Variants in CCDC30 observed in about 807,000 individuals in gnomAD.
CCDC30 encodes coiled-coil domain-containing protein 30.
In CCDC30, 70 loss-of-function variants were observed where a neutral mutation model predicts 100.2. That is an observed-to-expected ratio of 0.70 (90% CI 0.58 to 0.85). The LOEUF is 0.85. CCDC30 is among the 40% of genes least tolerant of loss of function. The pLI is 0.00. For synonymous variants in CCDC30, 233 were observed against 269.5 expected (o/e 0.86, Z 1.33); for missense variants, 652 against 771.2 (o/e 0.85, Z 1.83).
At chr1:42,479,287 A>C (rs1026190437) in intron 1 of CCDC30, among the ~76,000 whole-genome samples, 6 of 152,080 alleles carry the variant, frequency 3.9e-5, no homozygotes, top group Non-Finnish European at 5.9e-5. Flanking sequence ...GAGTCAGGAG[A>C]ATCGCTTGAA....
intron 3 of CCDC30, among the ~76,000 whole-genome samples, chr1:42,484,990 A>C (rs1170433211): frequency 3.3e-5 from 5 of 152,156 alleles, no homozygotes; most frequent in African/African-American, 1.2e-4. Flanking sequence ...AACAATTTGA[A>C]ATTTGAACAC....
chr1:42,509,691 T>C (rs1044717484), intron 6 of CCDC30, among the ~76,000 whole-genome samples: 4 of 152,114 alleles, frequency 2.6e-5, no homozygotes, highest in Non-Finnish European at 5.9e-5. Context: ...TAACCTAAGG[T>C]ACCCTTTCTT....
chr1:42,610,093 TG>T (rs1646588022), intron 10 of CCDC30, among the ~76,000 whole-genome samples: 1 of 152,210 alleles, frequency 6.6e-6, no homozygotes, highest in African/African-American at 2.4e-5. Context: ...CTCAGTAACA[TG>T]ATCAGATGTG....
At chr1:42,593,497 AG>A (rs1331975511) in intron 10 of CCDC30, 5 of 152,188 alleles carry the variant, frequency 3.3e-5, no homozygotes, top group Non-Finnish European at 2.9e-5. Flanking sequence ...TTCATTATGT[AG>A]GCATGATTGG....
chr1:42,560,009 A>T (rs768417185), intron 6 of CCDC30, among the ~76,000 whole-genome samples: 2 of 152,226 alleles, frequency 1.3e-5, no homozygotes, highest in African/African-American at 4.8e-5. Context: ...ATGCAATTTC[A>T]TGGAAATTGA....
chr1:42,489,892 C>T (rs561531320), intron 3 of CCDC30: 13 of 205,128 alleles, frequency 6.3e-5, no homozygotes, highest in Admixed American at 2.4e-4. Flanking sequence ...GTTTAAATTC[C>T]TCTTCATCAT....
intron 11 of CCDC30, among the ~76,000 whole-genome samples, chr1:42,621,714 T>C (rs908324023): frequency 6.6e-6 from 1 of 152,072 alleles, no homozygotes; most frequent in African/African-American, 2.4e-5. Context: ...GGTTTCACTG[T>C]GTTAGCCAGG....
chr1:42,569,778 G>A lies in CCDC30; in HGVS notation c.636+3303G>A, dbSNP rs12034118. ...AAAGAAAATGTGGCACATATACACC[G>A]TGGAATAATATGCAGCCATAAAAAA... On this transcript the variant is annotated intron_variant, in intron 7 of 16. Coordinates refer to ENST00000668663, the Ensembl canonical transcript of CCDC30. Among the ~76,000 whole-genome samples the A allele has an allele frequency of 1.5e-3, 229 of 152,250 alleles. 1 individual carries two copies. The highest frequency in any genetic ancestry group is 0.013 in the East Asian group (70 of 5,188).
chr1:42,559,046 C>G (rs530061190), intron 6 of CCDC30, among the ~76,000 whole-genome samples: 4 of 152,040 alleles, frequency 2.6e-5, no homozygotes, highest in Non-Finnish European at 4.4e-5. Flanking sequence ...CAAAACTAAG[C>G]GTCATAAGTG....
intron 6 of CCDC30, among the ~76,000 whole-genome samples, chr1:42,561,492 C>T (rs1469133205): frequency 1.3e-5 from 2 of 152,128 alleles, no homozygotes; most frequent in Non-Finnish European, 2.9e-5. Context: ...AAACTCATAG[C>T]CAATATCATA....
intron 10 of CCDC30, among the ~76,000 whole-genome samples, chr1:42,608,688 GACA>G (rs1646556278): frequency 2.5e-5 from 3 of 117,684 alleles, no homozygotes; most frequent in African/African-American, 1.0e-4. Context: ...CTGGGCGACA[GACA>G]GAGCGCGACT....
intron 6 of CCDC30, among the ~76,000 whole-genome samples, chr1:42,562,515 C>T (rs1266178129): frequency 2.6e-5 from 4 of 152,122 alleles, no homozygotes; most frequent in Non-Finnish European, 4.4e-5. Flanking sequence ...AGAAGAAAAC[C>T]TAGGCAATAC....
chr1:42,482,528 C>T, intron 2 of CCDC30, 135 bp from the exon 3 acceptor site: 1 of 445,356 alleles, frequency 2.2e-6, no homozygotes, highest in Non-Finnish European at 3.7e-6. Context: ...TACACACACA[C>T]ACTCACACAC....
At chr1:42,549,671 A>G (rs1386376295) in intron 6 of CCDC30, among the ~76,000 whole-genome samples, 2 of 152,210 alleles carry the variant, frequency 1.3e-5, no homozygotes, top group Non-Finnish European at 2.9e-5. Context: ...TGCCAGACAC[A>G]TAGTAGGTAC....
intron 12 of CCDC30, among the ~76,000 whole-genome samples, chr1:42,641,455 G>A (rs1224403635): frequency 6.6e-6 from 1 of 152,024 alleles, no homozygotes; most frequent in Non-Finnish European, 1.5e-5. Context: ...AGGAGGCTGA[G>A]GCACATGATC....
At chr1:42,533,579 AGAG>A (rs1644842492) in intron 6 of CCDC30, among the ~76,000 whole-genome samples, 1 of 152,234 alleles carries the variant, frequency 6.6e-6, no homozygotes. Flanking sequence ...GGCAACTTAC[AGAG>A]GAGATTTATA....
At chr1:42,603,518 G>A (rs528427283) in intron 10 of CCDC30, among the ~76,000 whole-genome samples, 2 of 152,264 alleles carry the variant, frequency 1.3e-5, no homozygotes, top group East Asian at 1.9e-4. Context: ...CTGGAAATAT[G>A]GGAAACTTCC....
intron 3 of CCDC30, among the ~76,000 whole-genome samples, chr1:42,488,308 A>C (rs1347499232): frequency 6.6e-6 from 1 of 152,014 alleles, no homozygotes; most frequent in Middle Eastern, 3.2e-3. Context: ...GGAAAGCTAA[A>C]ATTTTCTTTT....
chr1:42,619,448 C>A (rs190679615), intron 11 of CCDC30, among the ~76,000 whole-genome samples: 87 of 152,256 alleles, frequency 5.7e-4, no homozygotes, highest in Non-Finnish European at 1.0e-3. Flanking sequence ...GTATGCAAAT[C>A]TATTAATGTG....
Sources: allele counts gnomAD v4.1 joint callset (sites outside exome capture counted in the v4.1 genomes callset), GRCh38; gene constraint gnomAD v4.1.1; transcripts MANE v1.5; gene names NCBI Gene and HGNC (gene_info 2026-07-23, HGNC 2026-07-21).